SYCP2L: variants seen among roughly 807,000 people sequenced by gnomAD.
The protein encoded by SYCP2L is synaptonemal complex protein 2-like.
Under a neutral mutation model 125.8 loss-of-function variants are expected in SYCP2L, and 98 were observed. The observed-to-expected ratio is 0.78, with a 90% CI of 0.66 to 0.92. The LOEUF (loss-of-function observed/expected upper bound fraction) is 0.92, where lower values mean the gene tolerates loss of function less well. Ranked by LOEUF, SYCP2L falls within the 40% of genes least tolerant of loss-of-function variation. The pLI, the probability that SYCP2L is intolerant of heterozygous loss-of-function variation, is 0.00. For missense variants in SYCP2L, 842 were observed against 936.4 expected (o/e 0.90, Z 1.32); for synonymous variants, 317 against 325.4 (o/e 0.97, Z 0.28).
At chr6:10,891,443 T>G in intron 1 of SYCP2L, 70 bp from the exon 2 acceptor site, 9 of 949,058 alleles carry the variant, frequency 9.5e-6, no homozygotes, top group Non-Finnish European at 1.3e-5. Flanking sequence ...TTTTTTGCTT[T>G]GTGTTTAAAA....
At chr6:10,934,872 A>G (rs1781064470) in intron 20 of SYCP2L, among the ~76,000 whole-genome samples, 186 bp from the exon 21 acceptor site, 2 of 152,178 alleles carry the variant, frequency 1.3e-5, no homozygotes, top group South Asian at 4.1e-4. Context: ...GTACCATGGC[A>G]TTAAGCTAAT....
chr6:10,910,308 A>G (rs1212704616), intron 11 of SYCP2L, 108 bp downstream of exon 11: 2 of 1,013,284 alleles, frequency 2.0e-6, no homozygotes, highest in East Asian at 2.6e-5. Flanking sequence ...TATTGGGTAC[A>G]TCATTTACAG....
rs1780955682 is a variant in SYCP2L at position 10,929,602 on chromosome 6, C to T, written c.1489-768C>T. 1.3e-5 allele frequency among the ~76,000 whole-genome samples: 2 copies of T among 152,250 alleles called. 1 individual carries two copies. The highest frequency in any genetic ancestry group is 4.2e-4 in the South Asian group (2 of 4,816). On this transcript the variant is annotated intron_variant, in intron 18 of 29. Transcript: ENST00000283141. ...CCCTAAATCTCTAATCTTTTATAAT[C>T]CAGGCTTAATTTCAAAATGCTTTAT...
At position 10,942,713 on chromosome 6, in the gene SYCP2L, T is replaced by A; in HGVS notation, c.1921T>A (p.Leu641Met). 1 of 1,613,692 alleles carries A rather than the reference T, an allele frequency of 6.2e-7. No individual in the cohort carries two copies. The highest frequency in any genetic ancestry group is 2.2e-5 in the East Asian group (1 of 44,848). Residue 641 changes from leucine (L) to methionine (M), a missense_variant, in exon 23 of 30, where the codon TTG (leucine) becomes ATG (methionine). Coordinates refer to ENST00000283141, the MANE Select transcript of SYCP2L (RefSeq NM_001040274.3). ...AGAATCACTAACAGAAAGTACTAGCTTGAAACATAAGCTGAGAAACTTGGA... is the reference window on the plus strand; with the variant it reads ...AGAATCACTAACAGAAAGTACTAGCATGAAACATAAGCTGAGAAACTTGGA... Reference protein sequence around the residue: ...NQESLTESTSLKHKLRNLEDK... With the variant: ...NQESLTESTSMKHKLRNLEDK...
intron 28 of SYCP2L, among the ~76,000 whole-genome samples, chr6:10,962,581 T>C (rs1008574195): frequency 6.6e-6 from 1 of 152,238 alleles, no homozygotes; most frequent in African/African-American, 2.4e-5. Flanking sequence ...GTGGGTTCTA[T>C]CTGTGAATAT....
chr6:10,887,521 C>T (rs1473877364), intron 1 of SYCP2L, among the ~76,000 whole-genome samples: 1 of 152,078 alleles, frequency 6.6e-6, no homozygotes, highest in Admixed American at 6.5e-5. Context: ...CTTCATTTAA[C>T]CGAACGACAA....
chr6:10,902,821 A>T, intron 7 of SYCP2L, 54 bp from the exon 8 acceptor site: 1 of 1,610,148 alleles, frequency 6.2e-7, no homozygotes, highest in South Asian at 1.1e-5. Flanking sequence ...AGAAGATCGT[A>T]CATAGGTCTC....
chr6:10,951,566 A>G (rs1781411148), intron 23 of SYCP2L, among the ~76,000 whole-genome samples: 1 of 152,252 alleles, frequency 6.6e-6, no homozygotes, highest in Non-Finnish European at 1.5e-5. Context: ...TATACAAAAG[A>G]TATTTAGTAG....
At chr6:10,891,449 T>TTTTA in intron 1 of SYCP2L, 64 bp from the exon 2 acceptor site, 1 of 934,554 alleles carries the variant, frequency 1.1e-6, no homozygotes, top group Non-Finnish European at 1.6e-6. Context: ...GCTTTGTGTT[T>TTTTA]AAAACTTGAA....
At chr6:10,899,712 A>G (rs1193377164) in intron 6 of SYCP2L, among the ~76,000 whole-genome samples, 1 of 152,186 alleles carries the variant, frequency 6.6e-6, no homozygotes, top group Non-Finnish European at 1.5e-5. Context: ...ACATTCTGCA[A>G]TGGATGGTAT....
At chr6:10,964,355 C>G (rs1561703386) in intron 29 of SYCP2L, among the ~76,000 whole-genome samples, 1 of 152,156 alleles carries the variant, frequency 6.6e-6, no homozygotes, top group Non-Finnish European at 1.5e-5. Context: ...GCTTACCCTG[C>G]ATCAATCACT....
intron 2 of SYCP2L, among the ~76,000 whole-genome samples, chr6:10,893,393 A>G (rs1416463687): frequency 6.6e-6 from 1 of 152,238 alleles, no homozygotes; most frequent in Non-Finnish European, 1.5e-5. Context: ...CTTATTATCT[A>G]TAATTATTAG....
intron 14 of SYCP2L, among the ~76,000 whole-genome samples, chr6:10,913,708 G>T (rs1381806401): frequency 6.6e-6 from 1 of 152,126 alleles, no homozygotes; most frequent in Admixed American, 6.5e-5. Flanking sequence ...CCACGCAAAA[G>T]ATCTTTAGTT....
chr6:10,908,366 A>G (rs1235864834), intron 10 of SYCP2L, among the ~76,000 whole-genome samples: 1 of 152,154 alleles, frequency 6.6e-6, no homozygotes, highest in Non-Finnish European at 1.5e-5. Flanking sequence ...TGAAATGGAC[A>G]TGGCCTGGCA....
At chr6:10,887,204 T>G in intron 1 of SYCP2L, 69 bp downstream of exon 1, 1 of 1,604,726 alleles carries the variant, frequency 6.2e-7, no homozygotes. Flanking sequence ...GCGGGGTCCC[T>G]GGGGCTCAGG....
chr6:10,899,403 T>C (rs1008945664), intron 6 of SYCP2L, among the ~76,000 whole-genome samples: 8 of 151,820 alleles, frequency 5.3e-5, no homozygotes, highest in African/African-American at 1.9e-4. Context: ...AAAAAATTAT[T>C]GGGGTGTGGT....
chr6:10,889,794 AT>A (rs1376809923), intron 1 of SYCP2L, among the ~76,000 whole-genome samples: 4 of 151,440 alleles, frequency 2.6e-5, no homozygotes, highest in Non-Finnish European at 5.9e-5. Context: ...ATAATTTTCT[AT>A]TTTTAGTAGA....
At chr6:10,927,566 T>C (rs1193844599) in intron 17 of SYCP2L, among the ~76,000 whole-genome samples, 199 bp downstream of exon 17, 1 of 152,094 alleles carries the variant, frequency 6.6e-6, no homozygotes, top group Admixed American at 6.5e-5. Flanking sequence ...GAATAGGGTG[T>C]GGGTCACAGA....
chr6:10,961,746 G>A (rs765215214), intron 28 of SYCP2L, among the ~76,000 whole-genome samples, 188 bp downstream of exon 28: 7 of 152,138 alleles, frequency 4.6e-5, no homozygotes, highest in African/African-American at 7.2e-5. Context: ...TTCGAGAGGC[G>A]TAAATCTTGA....
Sources: allele counts gnomAD v4.1 joint callset (sites outside exome capture counted in the v4.1 genomes callset), GRCh38; gene constraint gnomAD v4.1.1; transcripts MANE v1.5; gene names NCBI Gene and HGNC (gene_info 2026-07-23, HGNC 2026-07-21).